TJP1: variants seen among roughly 807,000 people sequenced by gnomAD.
TJP1 encodes the protein tight junction protein ZO-1.
TJP1 carries 43 observed loss-of-function variants against 194.2 expected under a neutral mutation model. The observed-to-expected ratio is 0.22, with a 90% CI of 0.17 to 0.29. The LOEUF (loss-of-function observed/expected upper bound fraction) is 0.29. TJP1 is among the 10% of genes least tolerant of loss of function. The pLI is 1.00. For synonymous variants in TJP1, 801 were observed against 779.0 expected (o/e 1.03, Z -0.47); for missense variants, 1,971 against 2,185.7 (o/e 0.90, Z 1.96).
chr15:29,790,504 T>C (rs2048003042), intron 2 of TJP1, among the ~76,000 whole-genome samples: 1 of 152,246 alleles, frequency 6.6e-6, no homozygotes, highest in Non-Finnish European at 1.5e-5. Flanking sequence ...GTAACTGGGA[T>C]ATTCATAACC....
chr15:29,898,413 C>T (rs974717477), intron 2 of TJP1, among the ~76,000 whole-genome samples: 8 of 152,118 alleles, frequency 5.3e-5, no homozygotes, highest in Non-Finnish European at 1.0e-4. Context: ...TTATCTGCAG[C>T]GTGAAAATGA....
intron 2 of TJP1, among the ~76,000 whole-genome samples, chr15:29,871,345 C>A (rs1021854702): frequency 6.6e-6 from 1 of 152,202 alleles, no homozygotes; most frequent in Non-Finnish European, 1.5e-5. Context: ...TTGGTTTTTC[C>A]GGCTGTGGTA....
chr15:29,870,626 C>T lies in TJP1; in HGVS notation c.307-69924G>A, dbSNP rs116640058. Among the ~76,000 whole-genome samples the T allele has an allele frequency of 6.2e-3, 937 of 152,244 alleles. 17 individuals carry two copies. Among genetic ancestry groups the T allele is most frequent in the African/African-American group, 0.021 (891 of 41,544 alleles). ...TCTGTTGATTAGCCTTTTTAGCTTG[C>T]GGGTGAGTGTTGACCTAAAAGGGAA... is the stretch of plus-strand genomic sequence containing the variant. On this transcript the variant is annotated intron_variant, in intron 2 of 28. Coordinates refer to the TJP1 transcript ENST00000356107.
intron 2 of TJP1, among the ~76,000 whole-genome samples, chr15:29,949,512 C>CCAT: frequency 7.2e-6 from 1 of 138,468 alleles, no homozygotes; most frequent in Non-Finnish European, 1.6e-5. Flanking sequence ...ACCACCACCT[C>CCAT]CACCTCCACC....
At chr15:29,746,772 T>A (rs777820417) in intron 8 of TJP1, among the ~76,000 whole-genome samples, 2 of 152,180 alleles carry the variant, frequency 1.3e-5, no homozygotes, top group African/African-American at 4.8e-5. Context: ...TCTTTCTATG[T>A]TGTCTTCCTG....
intron 25 of TJP1, among the ~76,000 whole-genome samples, chr15:29,706,850 G>C (rs1357869372): frequency 6.6e-6 from 1 of 152,028 alleles, no homozygotes; most frequent in Non-Finnish European, 1.5e-5. Flanking sequence ...AGTAGACATG[G>C]GTTTTCACCG....
At chr15:29,833,997 C>A (rs2050937549) in intron 2 of TJP1, among the ~76,000 whole-genome samples, 1 of 68,636 alleles carries the variant, frequency 1.5e-5, no homozygotes, top group African/African-American at 5.3e-5. Flanking sequence ...ATTCTCCTGC[C>A]TCAGCCTCCT....
intron 8 of TJP1, among the ~76,000 whole-genome samples, chr15:29,754,669 C>T (rs2045526610): frequency 1.3e-5 from 2 of 152,132 alleles, no homozygotes; most frequent in Non-Finnish European, 2.9e-5. Context: ...GCCTAAAATG[C>T]TTGGGACCAG....
intron 8 of TJP1, among the ~76,000 whole-genome samples, chr15:29,749,128 G>A (rs1240339094): frequency 6.6e-6 from 1 of 151,818 alleles, no homozygotes; most frequent in Non-Finnish European, 1.5e-5. Flanking sequence ...TTCCCCAGAA[G>A]GGTAAGACGA....
intron 11 of TJP1, 54 bp from the exon 12 acceptor site, chr15:29,734,436 A>C: frequency 7.5e-7 from 1 of 1,331,790 alleles, no homozygotes; most frequent in Non-Finnish European, 1.1e-6. Flanking sequence ...TATGAAAATA[A>C]CATACGCAGG....
At chr15:29,950,921 G>A (rs2055726261) in intron 2 of TJP1, among the ~76,000 whole-genome samples, 1 of 152,098 alleles carries the variant, frequency 6.6e-6, no homozygotes. Flanking sequence ...GATGGTAATA[G>A]CTGTATCTAT....
intron 22 of TJP1, among the ~76,000 whole-genome samples, chr15:29,717,531 T>TA (rs11444536): frequency 0.94 from 143,559 of 152,252 alleles, 67,889 homozygotes; most frequent in East Asian, 1. Flanking sequence ...GTAAGCTACT[T>TA]GCCCCTCTCA....
intron 2 of TJP1, among the ~76,000 whole-genome samples, chr15:29,932,402 A>G (rs1175326984): frequency 1.3e-5 from 2 of 152,204 alleles, no homozygotes; most frequent in East Asian, 1.9e-4. Context: ...CACCCAATAT[A>G]TGGTGCTGAG....
chr15:29,793,091 C>A (rs182348353), intron 2 of TJP1, among the ~76,000 whole-genome samples: 120 of 152,238 alleles, frequency 7.9e-4, no homozygotes, highest in Middle Eastern at 3.4e-3. Flanking sequence ...AATTTGGATG[C>A]CTTTTCTTTT....
At chr15:29,799,347 G>C (rs1169420780) in intron 2 of TJP1, among the ~76,000 whole-genome samples, 2 of 151,918 alleles carry the variant, frequency 1.3e-5, no homozygotes, top group East Asian at 1.9e-4. Flanking sequence ...GTTAGTATTA[G>C]ATAATGATTT....
At chr15:29,967,064 A>T (rs1434663761) in intron 1 of TJP1, among the ~76,000 whole-genome samples, 1 of 150,200 alleles carries the variant, frequency 6.7e-6, no homozygotes, top group Non-Finnish European at 1.5e-5. Context: ...CCCAGGCTGG[A>T]GTGCAGTGGC....
chr15:29,953,679 A>T (rs1393211378), intron 2 of TJP1, among the ~76,000 whole-genome samples: 1 of 152,192 alleles, frequency 6.6e-6, no homozygotes, highest in Non-Finnish European at 1.5e-5. Context: ...ACAATCTAAA[A>T]ACATGCAGAG....
At chr15:29,767,140 A>G (rs1046554840) in intron 4 of TJP1, among the ~76,000 whole-genome samples, 3 of 152,080 alleles carry the variant, frequency 2.0e-5, no homozygotes, top group Admixed American at 2.0e-4. Flanking sequence ...CTAGGTGCAA[A>G]TTCTTCCCTC....
At chr15:29,883,038 G>GA (rs900703830) in intron 2 of TJP1, among the ~76,000 whole-genome samples, 4 of 152,100 alleles carry the variant, frequency 2.6e-5, no homozygotes, top group East Asian at 1.9e-4. Flanking sequence ...AATTAACAGG[G>GA]AAAAAAATGC....
Sources: gnomAD v4.1 joint callset for allele counts (sites outside exome capture counted in the v4.1 genomes callset) on GRCh38, gnomAD v4.1.1 for gene constraint, MANE v1.5 for transcripts, NCBI Gene and HGNC (gene_info 2026-07-23, HGNC 2026-07-21) for gene names.